Variants in DYNC2I1 observed in about 807,000 individuals in gnomAD.
DYNC2I1 encodes dynein 2 intermediate chain 1.
A neutral mutation model predicts 133.4 loss-of-function variants in DYNC2I1; 89 were observed. The ratio of observed to expected loss-of-function variants is 0.67; its 90% CI spans 0.56 to 0.80. The LOEUF (loss-of-function observed/expected upper bound fraction) is 0.80, where lower values mean the gene tolerates loss of function less well. DYNC2I1 is among the 30% of genes least tolerant of loss of function. The probability of loss-of-function intolerance (pLI) is 0.00; values close to 1 mark genes in which losing one functional copy is unlikely to be tolerated. For missense variants in DYNC2I1, 1,291 were observed against 1,314.5 expected, an observed-to-expected ratio of 0.98 and a Z score of 0.28; for synonymous variants, 504 against 484.3, an observed-to-expected ratio of 1.04 and a Z score of -0.54.
At chr7:158,883,172 C>G (rs1844216415) in intron 5 of DYNC2I1, among the ~76,000 whole-genome samples, 1 of 150,794 alleles carries the variant, frequency 6.6e-6, no homozygotes, top group South Asian at 2.1e-4. Flanking sequence ...GATGGATGTT[C>G]TCTGTGATTC....
intron 11 of DYNC2I1, 133 bp downstream of exon 11, chr7:158,906,224 T>C: frequency 1.4e-6 from 1 of 720,828 alleles, no homozygotes; most frequent in Non-Finnish European, 2.3e-6. Flanking sequence ...TAATTTGTAC[T>C]ACACTTTTGT....
At chr7:158,857,815 A>C (rs1283793231) in intron 1 of DYNC2I1, among the ~76,000 whole-genome samples, 1 of 136,658 alleles carries the variant, frequency 7.3e-6, no homozygotes, top group Admixed American at 7.4e-5. Flanking sequence ...TTTTTTAAAG[A>C]TAATTCCCCT....
chr7:158,887,218 C>T (rs775794984), intron 7 of DYNC2I1, 143 bp downstream of exon 7: 15 of 772,350 alleles, frequency 1.9e-5, no homozygotes, highest in Non-Finnish European at 3.3e-5. Flanking sequence ...TCCCAGAAGG[C>T]ACACTGGAGA....
intron 1 of DYNC2I1, 146 bp from the exon 2 acceptor site, chr7:158,869,709 C>T (rs1310759508): frequency 4.9e-6 from 3 of 616,680 alleles, no homozygotes; most frequent in Admixed American, 3.0e-5. Context: ...ATTTCTGTTA[C>T]CTTTTATTCC....
chr7:158,860,755 GT>G (rs1474916352), intron 1 of DYNC2I1, among the ~76,000 whole-genome samples: 6 of 152,126 alleles, frequency 3.9e-5, no homozygotes, highest in Non-Finnish European at 8.8e-5. Flanking sequence ...ATGTAGACAT[GT>G]TTTTTAGGTT....
chr7:158,856,847 C>T, intron 1 of DYNC2I1, 97 bp downstream of exon 1: 1 of 1,200,016 alleles, frequency 8.3e-7, no homozygotes, highest in Non-Finnish European at 1.0e-6. Context: ...CTTTGCGCAG[C>T]GGTTCTCTCG....
intron 15 of DYNC2I1, 117 bp from the exon 16 acceptor site, chr7:158,922,260 G>A: frequency 1.0e-6 from 1 of 992,020 alleles, no homozygotes; most frequent in Non-Finnish European, 1.5e-6. Flanking sequence ...GGTTTCGAAA[G>A]GACCACGTTT....
chr7:158,867,806 G>C (rs1010991535), intron 1 of DYNC2I1, among the ~76,000 whole-genome samples: 3 of 152,090 alleles, frequency 2.0e-5, no homozygotes, highest in Non-Finnish European at 4.4e-5. Flanking sequence ...TGCGCGGTGA[G>C]AGCAAGCGGG....
Position 158,934,425 on chromosome 7 carries a change from T to C in DYNC2I1, c.2654T>C (p.Ile885Thr). 1 of 1,604,494 alleles carries C rather than the reference T, an allele frequency of 6.2e-7. No homozygotes were observed. The highest frequency in any genetic ancestry group is 2.2e-5 in the East Asian group (1 of 44,678). The change falls in exon 23 of 25, where the codon ATA becomes ACA. Residue 885 changes from isoleucine (I) to threonine (T), a missense_variant. Ile to Thr is a moderately conservative substitution (Grantham distance 89, BLOSUM62 -1). Coordinates refer to ENST00000407559, the MANE Select transcript of DYNC2I1 (RefSeq NM_018051.5). The stretch of plus-strand genomic sequence containing the variant: ...TGGGCTTCTTCTTCACAGGGTCTCA[T>C]AAGCCATGGCACAAGACAAGATTTG... ...HFIIGTDMGL[I>T]SHGTRQDLRV...
At chr7:158,893,873 T>C (rs1845483254) in intron 8 of DYNC2I1, among the ~76,000 whole-genome samples, 1 of 151,808 alleles carries the variant, frequency 6.6e-6, no homozygotes, top group South Asian at 2.1e-4. Context: ...GTACCACATA[T>C]CATATCGTAA....
the DYNC2I1 span, among the ~76,000 whole-genome samples, chr7:158,847,659 G>T: frequency 2.9e-4 from 44 of 152,280 alleles, no homozygotes; most frequent in East Asian, 5.0e-3. Context: ...CTTGGTTATT[G>T]TTTTCTGTAA....
At chr7:158,918,706 T>C (rs373596510) in intron 14 of DYNC2I1, 34 bp from the exon 15 acceptor site, 145 of 1,600,982 alleles carry the variant, frequency 9.1e-5, no homozygotes, top group Non-Finnish European at 1.2e-4. Context: ...CATTGTGAAG[T>C]TTTTATTAAA....
the DYNC2I1 span, among the ~76,000 whole-genome samples, chr7:158,841,196 TATATATATATATATATA>T: frequency 8.8e-5 from 7 of 79,820 alleles, 1 homozygote; most frequent in African/African-American, 4.8e-4. Context: ...TATATATATA[TATATATATATATATATA>T]TATATATATT....
intron 23 of DYNC2I1, among the ~76,000 whole-genome samples, chr7:158,941,084 G>A (rs1851305411): frequency 1.3e-5 from 2 of 151,990 alleles, no homozygotes; most frequent in Non-Finnish European, 2.9e-5. Flanking sequence ...CTTTTAGCTA[G>A]AATAACTAAG....
At chr7:158,898,010 AGAAATAT>A (rs1198226983) in intron 8 of DYNC2I1, among the ~76,000 whole-genome samples, 4 of 152,194 alleles carry the variant, frequency 2.6e-5, no homozygotes, top group African/African-American at 9.7e-5. Flanking sequence ...TGTGTTATTT[AGAAATAT>A]GTTGTTTAAT....
At chr7:158,944,616 G>A (rs1005644470) in intron 24 of DYNC2I1, among the ~76,000 whole-genome samples, 13 of 152,144 alleles carry the variant, frequency 8.5e-5, no homozygotes, top group Admixed American at 3.3e-4. Flanking sequence ...ACACTCTGCC[G>A]CCCCACGTCC....
intron 5 of DYNC2I1, among the ~76,000 whole-genome samples, 171 bp downstream of exon 5, chr7:158,880,160 T>C (rs1434190287): frequency 6.6e-6 from 1 of 152,238 alleles, no homozygotes; most frequent in Non-Finnish European, 1.5e-5. Context: ...GACAGATTAC[T>C]GATCTCCTAA....
At chr7:158,949,029 C>T (rs2129490183), downstream of DYNC2I1, among the ~76,000 whole-genome samples, 1 of 152,260 alleles carries the variant, frequency 6.6e-6, no homozygotes, top group African/African-American at 2.4e-5. Flanking sequence ...GAGAACATGG[C>T]ACAGAACCGG....
downstream of DYNC2I1, among the ~76,000 whole-genome samples, chr7:158,957,489 A>T (rs541036995): frequency 6.6e-6 from 1 of 152,234 alleles, no homozygotes; most frequent in Non-Finnish European, 1.5e-5. Flanking sequence ...TGAACAGAAT[A>T]TGAAAGTGGG....
Sources: gnomAD v4.1 joint callset for allele counts (sites outside exome capture counted in the v4.1 genomes callset) on GRCh38, gnomAD v4.1.1 for gene constraint, MANE v1.5 for transcripts, NCBI Gene and HGNC (gene_info 2026-07-23, HGNC 2026-07-21) for gene names.